The following SLC48A1 variants were observed in gnomAD, a reference collection of about 807,000 sequenced individuals.
SLC48A1 encodes solute carrier family 48 member 1.
A neutral mutation model predicts 14.8 loss-of-function variants in SLC48A1; 6 were observed. The observed-to-expected ratio is 0.41, with a 90% CI of 0.22 to 0.80. The LOEUF is 0.80. Among genes scored for constraint, SLC48A1 ranks in the 30% least tolerant of loss-of-function variants. The probability of loss-of-function intolerance (pLI) is 0.34; values close to 1 mark genes in which losing one functional copy is unlikely to be tolerated. For synonymous variants in SLC48A1, 89 were observed against 90.0 expected (o/e 0.99, Z 0.06); for missense variants, 165 against 204.8 (o/e 0.81, Z 1.19).
exon 1 of SLC48A1, chr12:47,758,623 C>T (rs2136833674): frequency 1.9e-6 from 3 of 1,608,152 alleles, no homozygotes; most frequent in East Asian, 4.5e-5. Context: ...CAGCGACCCC[C>T]ATCAGCTTTG....
In SLC48A1 at chr12:47,779,226, G is replaced by A. The variant is rs1424792635; in HGVS notation, c.304+31G>A. 4.5e-6 allele frequency: 7 copies of A among 1,539,264 alleles called. No individual in the cohort carries two copies. The Admixed American group carries it at 1.4e-4, about 31-fold the overall frequency. ...GGCGGGTCCCAGGGAAAGAGGGCAT[G>A]GGAGGGACAGCAGCGGGGATTTTAG... On this transcript the variant is annotated intron_variant, in intron 2 of 2. Transcript: ENST00000442218.
chr12:47,768,134 C>T (rs1008458358), upstream of SLC48A1, among the ~76,000 whole-genome samples: 2 of 152,142 alleles, frequency 1.3e-5, no homozygotes, highest in Non-Finnish European at 2.9e-5. Flanking sequence ...CGTGCCACCA[C>T]GCCTGGTTAA....
upstream of SLC48A1, chr12:47,773,046 C>A: frequency 2.9e-6 from 1 of 343,712 alleles, no homozygotes; most frequent in Non-Finnish European, 4.1e-6. Flanking sequence ...TGGGGATGGG[C>A]CCAGGAATCC....
upstream of SLC48A1, chr12:47,758,383 A>T (rs1305108030): frequency 2.0e-6 from 3 of 1,505,244 alleles, no homozygotes; most frequent in Non-Finnish European, 8.9e-7. Flanking sequence ...TCCCAGTATG[A>T]AGCTATAGAT....
chr12:47,773,107 G>A (rs1198632518), upstream of SLC48A1: 10 of 754,598 alleles, frequency 1.3e-5, no homozygotes, highest in Non-Finnish European at 1.6e-5. Flanking sequence ...GCAAAGCGGC[G>A]GTGGCGTCTG....
In SLC48A1 at chr12:47,780,774, C is replaced by T. The variant is rs536944238; in HGVS notation, c.*493C>T. Reference sequence around the variant, plus strand: ...TAGAGACAGGGTTTTGCCATGTTGGCCAGGCTGGTCTCGAACTCCTGATCT... The same window carrying T: ...TAGAGACAGGGTTTTGCCATGTTGGTCAGGCTGGTCTCGAACTCCTGATCT... On this transcript the variant is annotated 3_prime_UTR_variant, in exon 3 of 3. Transcript: ENST00000442218. 5.9e-5 allele frequency: 26 copies of T among 437,730 alleles called. No homozygotes were observed. The highest frequency in any genetic ancestry group is 1.2e-4 in the Non-Finnish European group (26 of 217,636). 27.1% of individuals were successfully genotyped at this position (437,730 alleles called of 1,614,324 possible).
Sources: gnomAD v4.1 joint callset for allele counts (sites outside exome capture counted in the v4.1 genomes callset) on GRCh38, gnomAD v4.1.1 for gene constraint, MANE v1.5 for transcripts, NCBI Gene and HGNC (gene_info 2026-07-23, HGNC 2026-07-21) for gene names.